Variants in ADAM12 observed in about 807,000 individuals in gnomAD.
ADAM12 encodes ADAM metallopeptidase domain 12, also known as disintegrin and metalloproteinase domain-containing protein 12.
Under a neutral mutation model 106.4 loss-of-function variants are expected in ADAM12, and 70 were observed. The observed-to-expected ratio is 0.66, with a 90% CI of 0.54 to 0.80. ADAM12 has a LOEUF of 0.80. Among genes scored for constraint, ADAM12 ranks in the 30% least tolerant of loss-of-function variants. ADAM12 has a pLI of 0.00. For missense variants in ADAM12, 1,010 were observed against 1,171.9 expected (o/e 0.86, Z 2.02); for synonymous variants, 420 against 433.5 (o/e 0.97, Z 0.39).
At chr10:126,046,282 T>C (rs1338899300) in intron 16 of ADAM12, 150 bp from the exon 17 acceptor site, 16 of 675,068 alleles carry the variant, frequency 2.4e-5, no homozygotes, top group East Asian at 5.4e-5. Context: ...AGCATAACAA[T>C]ACATTTTATA....
At chr10:126,045,387 C>A (rs1188190337) in intron 17 of ADAM12, among the ~76,000 whole-genome samples, 1 of 152,094 alleles carries the variant, frequency 6.6e-6, no homozygotes, top group Non-Finnish European at 1.5e-5. Context: ...CCCGGTAATT[C>A]TGTGTAAGAA....
intron 14 of ADAM12, among the ~76,000 whole-genome samples, chr10:126,056,407 G>A (rs1590347049): frequency 2.0e-5 from 3 of 152,172 alleles, no homozygotes; most frequent in South Asian, 2.1e-4. Flanking sequence ...TCAAAGGCCC[G>A]AATGCATACT....
At chr10:126,018,479 G>A (rs1953700416) in intron 22 of ADAM12, among the ~76,000 whole-genome samples, 1 of 152,160 alleles carries the variant, frequency 6.6e-6, no homozygotes, top group African/African-American at 2.4e-5. Context: ...CATGACCTAG[G>A]TTTTCTGCCA....
intron 4 of ADAM12, among the ~76,000 whole-genome samples, chr10:126,146,737 T>C (rs1956635357): frequency 6.6e-6 from 1 of 152,214 alleles, no homozygotes; most frequent in South Asian, 2.1e-4. Context: ...TTGTAATGTA[T>C]TTTCCTATGA....
Position 126,080,840 on chromosome 10 carries a change from C to A in ADAM12, c.1146-9186G>T, listed in dbSNP as rs574799817. Among the ~76,000 whole-genome samples the A allele has an allele frequency of 2.0e-5, 3 of 152,224 alleles. No homozygotes were observed. In the South Asian group the frequency reaches 6.2e-4, roughly 32 times the overall value. On this transcript the variant is annotated intron_variant, in intron 11 of 22. Transcript: ENST00000448723. The stretch of plus-strand genomic sequence containing the variant: ...TCATATTTTAGCCATCACAAAGCTG[C>A]CAAGTAAAATATTATTAGGGCTTAC...
At chr10:126,284,332 C>CA (rs58488226) in intron 2 of ADAM12, among the ~76,000 whole-genome samples, 3,041 of 46,388 alleles carry the variant, frequency 0.066, 271 homozygotes, top group Admixed American at 0.084. Context: ...GACTCCATCT[C>CA]AAAAAAAAAA....
At chr10:126,240,515 A>G (rs987846271) in intron 3 of ADAM12, among the ~76,000 whole-genome samples, 5 of 152,256 alleles carry the variant, frequency 3.3e-5, no homozygotes, top group African/African-American at 9.6e-5. Flanking sequence ...TTAAAGGGAA[A>G]GAAAGAAAAT....
chr10:126,271,437 G>A lies in ADAM12; in HGVS notation c.260+7478C>T, dbSNP rs7910376. ...AATATGCAGTCCCTTGACCACACCC[G>A]CTCTACCCTCCCAGCTAGTCTTCAC... On this transcript the variant is annotated intron_variant, in intron 3 of 22. Transcript: ENST00000448723. Among the ~76,000 whole-genome samples the A allele has an allele frequency of 1.2e-4, 18 of 152,242 alleles. 1 individual carries two copies. Among genetic ancestry groups the A allele is most frequent in the African/African-American group, 3.4e-4 (14 of 41,550 alleles).
At chr10:126,231,993 C>T (rs181576704) in intron 3 of ADAM12, among the ~76,000 whole-genome samples, 236 of 152,290 alleles carry the variant, frequency 1.5e-3, no homozygotes, top group Admixed American at 5.1e-3. Context: ...GCAGACACTG[C>T]AAACTTTATA....
intron 3 of ADAM12, among the ~76,000 whole-genome samples, chr10:126,216,550 G>A (rs1957991285): frequency 6.6e-6 from 1 of 152,208 alleles, no homozygotes; most frequent in South Asian, 2.1e-4. Context: ...GAAACTGTTA[G>A]GTCTGAGTAA....
At chr10:126,271,175 C>T (rs1959173374) in intron 3 of ADAM12, among the ~76,000 whole-genome samples, 1 of 152,192 alleles carries the variant, frequency 6.6e-6, no homozygotes, top group Non-Finnish European at 1.5e-5. Context: ...TGTCTCTGGC[C>T]ACTGCTCAAA....
At chr10:126,046,265 C>T (rs11244788) in intron 16 of ADAM12, 133 bp from the exon 17 acceptor site, 101,488 of 760,752 alleles carry the variant, frequency 0.13, 7,396 homozygotes, top group Middle Eastern at 0.21. Flanking sequence ...TCAGTTAATA[C>T]GGATGGAGCA....
intron 3 of ADAM12, among the ~76,000 whole-genome samples, chr10:126,275,933 T>A (rs890374836): frequency 2.1e-4 from 32 of 152,228 alleles, no homozygotes; most frequent in Non-Finnish European, 1.5e-5. Flanking sequence ...ATGTGTATAA[T>A]TTTAAAATAA....
At chr10:126,214,875 T>A (rs1590630288) in intron 3 of ADAM12, among the ~76,000 whole-genome samples, 1 of 152,176 alleles carries the variant, frequency 6.6e-6, no homozygotes, top group East Asian at 1.9e-4. Flanking sequence ...CTGGCTGGAT[T>A]AGGATGCCAC....
chr10:126,220,547 GAAGT>G (rs1958071047), intron 3 of ADAM12, among the ~76,000 whole-genome samples: 1 of 152,166 alleles, frequency 6.6e-6, no homozygotes, highest in South Asian at 2.1e-4. Context: ...TGTTGTTGCT[GAAGT>G]ATGTCTTGTG....
At chr10:126,226,202 C>T (rs949670180) in intron 3 of ADAM12, among the ~76,000 whole-genome samples, 6 of 18,166 alleles carry the variant, frequency 3.3e-4, no homozygotes, top group African/African-American at 1.0e-3. Flanking sequence ...GGGGAGGGGG[C>T]GGGGGGAGTG....
chr10:126,245,335 C>G (rs542459625), intron 3 of ADAM12, among the ~76,000 whole-genome samples: 17 of 152,334 alleles, frequency 1.1e-4, no homozygotes, highest in African/African-American at 4.1e-4. Context: ...CGCTGAAGAA[C>G]ATGGAACTTA....
intron 2 of ADAM12, among the ~76,000 whole-genome samples, chr10:126,313,280 C>T (rs1961195756): frequency 6.6e-6 from 1 of 152,170 alleles, no homozygotes; most frequent in Non-Finnish European, 1.5e-5. Flanking sequence ...GGCCAAGAAA[C>T]CAAGGTGAAA....
chr10:126,019,262 C>G (rs1953715427), intron 22 of ADAM12, among the ~76,000 whole-genome samples: 1 of 152,310 alleles, frequency 6.6e-6, no homozygotes, highest in Admixed American at 6.5e-5. Context: ...GTACAACCTA[C>G]AGAACTGTGA....
Sources: allele counts gnomAD v4.1 joint callset (sites outside exome capture counted in the v4.1 genomes callset), GRCh38; gene constraint gnomAD v4.1.1; transcripts MANE v1.5; gene names NCBI Gene and HGNC (gene_info 2026-07-23, HGNC 2026-07-21).